The following TSHZ2 variants were observed in gnomAD, a reference collection of about 807,000 sequenced individuals.
TSHZ2 encodes teashirt zinc finger homeobox 2, also known as teashirt homolog 2.
TSHZ2 carries 21 observed loss-of-function variants against 74.4 expected under a neutral mutation model. The ratio of observed to expected loss-of-function variants is 0.28; its 90% CI spans 0.20 to 0.41. The LOEUF (loss-of-function observed/expected upper bound fraction) is 0.41, where lower values mean the gene tolerates loss of function less well. Among genes scored for constraint, TSHZ2 ranks in the 10% least tolerant of loss-of-function variants. TSHZ2 has a pLI of 1.00. For missense variants in TSHZ2, 1,244 were observed against 1,293.5 expected, an observed-to-expected ratio of 0.96 and a Z score of 0.59; for synonymous variants, 540 against 515.3, an observed-to-expected ratio of 1.05 and a Z score of -0.65.
At chr20:53,242,626 G>T (rs770704240) in intron 1 of TSHZ2, among the ~76,000 whole-genome samples, 1 of 146,700 alleles carries the variant, frequency 6.8e-6, no homozygotes, top group Non-Finnish European at 1.5e-5. Context: ...CCCATAGGGA[G>T]TAACCCACCC....
chr20:53,458,724 A>G, intron 2 of TSHZ2, among the ~76,000 whole-genome samples: 1 of 151,116 alleles, frequency 6.6e-6, no homozygotes, highest in East Asian at 1.9e-4. Flanking sequence ...CCCTCTACAC[A>G]CTGCTTTGAA....
intron 2 of TSHZ2, among the ~76,000 whole-genome samples, chr20:53,324,529 C>T (rs761716279): frequency 3.9e-5 from 6 of 152,102 alleles, no homozygotes; most frequent in Non-Finnish European, 8.8e-5. Context: ...AGGTATGCAT[C>T]ACTATGTCTA....
At chr20:53,161,101 T>C (rs1195049178) in intron 1 of TSHZ2, among the ~76,000 whole-genome samples, 1 of 109,764 alleles carries the variant, frequency 9.1e-6, no homozygotes, top group Non-Finnish European at 1.7e-5. Context: ...TGATTGTACA[T>C]GACAGAAACC....
intron 1 of TSHZ2, among the ~76,000 whole-genome samples, chr20:53,125,620 C>A (rs541001562): frequency 1.4e-4 from 22 of 152,070 alleles, no homozygotes; most frequent in African/African-American, 5.1e-4. Flanking sequence ...TATCAGGCAA[C>A]CCCCCGGTGA....
chr20:53,254,605 A>T lies in TSHZ2; in HGVS notation c.1147A>T (p.Met383Leu), dbSNP rs920140308. The T allele has an allele frequency of 1.9e-6, 3 of 1,613,002 alleles. No individual in the cohort carries two copies. Among genetic ancestry groups the T allele is most frequent in the African/African-American group, 2.7e-5 (2 of 74,920 alleles). Residue 383 changes from methionine to leucine, a missense_variant, in exon 2 of 3, where the codon ATG becomes TTG. Met to Leu is a conservative substitution (Grantham distance 15). Around this residue, in one of 6 missense-constraint regions of TSHZ2, gnomAD observed 18 missense variants for 42.1 expected, o/e 0.43. Transcript: ENST00000371497. ...EACKSQILKC[M>L]ECGSSHDTLQ... ...CTGCAAGTCCCAGATCTTAAAGTGC[A>T]TGGAGTGTGGGAGCTCCCATGACAC...
intron 1 of TSHZ2, among the ~76,000 whole-genome samples, chr20:53,197,592 A>G (rs981212941): frequency 1.3e-5 from 2 of 152,200 alleles, no homozygotes; most frequent in African/African-American, 4.8e-5. Context: ...GTTGCCATCA[A>G]GCATATAATT....
chr20:53,391,172 A>G (rs1054989814), intron 2 of TSHZ2, among the ~76,000 whole-genome samples: 1 of 145,268 alleles, frequency 6.9e-6, no homozygotes, highest in Non-Finnish European at 1.5e-5. Flanking sequence ...TTTGAGACAG[A>G]GTCTTGCTCT....
In TSHZ2 at chr20:53,253,944, C is replaced by G. The variant is rs764524254; in HGVS notation, c.486C>G (p.Asn162Lys). 6.2e-7 allele frequency: 1 copy of G among 1,614,168 alleles called. No homozygotes were observed. Among genetic ancestry groups the G allele is most frequent in the Admixed American group, 1.7e-5 (1 of 60,020 alleles). Residue 162 changes from asparagine to lysine, a missense_variant, in exon 2 of 3, where the codon AAC (asparagine) becomes AAG (lysine). Asn to Lys is a moderately conservative substitution (Grantham distance 94, BLOSUM62 0). Coordinates refer to ENST00000371497, the MANE Select transcript of TSHZ2 (RefSeq NM_173485.6). ...ACTGTGACACCCGAAACGGCAGCAA[C>G]AAGAGTGATTTTGATTGGCACCAAG... Reference protein sequence around the residue: ...RRNCDTRNGSNKSDFDWHQDA... With the variant: ...RRNCDTRNGSKKSDFDWHQDA...
intron 1 of TSHZ2, among the ~76,000 whole-genome samples, chr20:53,174,491 A>G (rs1988277595): frequency 6.6e-6 from 1 of 152,156 alleles, no homozygotes; most frequent in African/African-American, 2.4e-5. Flanking sequence ...TGGGTCACAG[A>G]TGGACTGGGC....
rs1381441295 is a variant in TSHZ2 at position 53,453,636 on chromosome 20, G to A, written c.*9-33508G>A. Reference sequence around the variant, plus strand: ...CACTTATGTGATAATGAAGATTAACGTAGGGAGCCGCTGGCTCTCCCTTCT... The same window carrying A: ...CACTTATGTGATAATGAAGATTAACATAGGGAGCCGCTGGCTCTCCCTTCT... On this transcript the variant is annotated intron_variant, in intron 2 of 2. Transcript: ENST00000371497. Among the ~76,000 whole-genome samples, 5 of 152,182 alleles carry A rather than the reference G, an allele frequency of 3.3e-5. No individual in the cohort carries two copies. In the East Asian group the frequency reaches 5.8e-4, roughly 18 times the overall value.
At chr20:53,280,701 G>T (rs112696439) in intron 2 of TSHZ2, among the ~76,000 whole-genome samples, 62 of 110,922 alleles carry the variant, frequency 5.6e-4, no homozygotes, top group Admixed American at 1.6e-3. Context: ...GGGTTTTTTT[G>T]TGTGTTTTTT....
At position 52,992,974 on chromosome 20, in the gene TSHZ2, C is replaced by T. The variant is rs377641201; in HGVS notation, c.40+19641C>T. On this transcript the variant is annotated intron_variant, in intron 1 of 2. Transcript: ENST00000371497. Reference sequence around the variant, plus strand: ...TAAGCAGCTCTTTTAGGTGCCCTCTCGATTGGAATTTACAGGTTTTTTTCT... The same window carrying T: ...TAAGCAGCTCTTTTAGGTGCCCTCTTGATTGGAATTTACAGGTTTTTTTCT... 2.2e-3 allele frequency among the ~76,000 whole-genome samples: 340 copies of T among 152,174 alleles called. 15 individuals are homozygous for T. The South Asian group carries it at 0.066, about 30-fold the overall frequency.
intron 1 of TSHZ2, among the ~76,000 whole-genome samples, chr20:53,038,960 G>A (rs534097402): frequency 6.6e-5 from 10 of 151,088 alleles, no homozygotes; most frequent in Non-Finnish European, 2.9e-5. Context: ...GCAATGGTGC[G>A]ATCTCGGCTC....
At chr20:53,369,026 C>T (rs1981373557) in intron 2 of TSHZ2, among the ~76,000 whole-genome samples, 1 of 152,124 alleles carries the variant, frequency 6.6e-6, no homozygotes. Flanking sequence ...CTTTGGGAGG[C>T]CGAGGTGGGC....
intron 2 of TSHZ2, among the ~76,000 whole-genome samples, chr20:53,389,555 CAG>C (rs1446688114): frequency 2.0e-5 from 3 of 152,176 alleles, no homozygotes; most frequent in Non-Finnish European, 4.4e-5. Context: ...GAGGAGGTGA[CAG>C]AGTATGGCTG....
chr20:53,049,196 G>A (rs906408296), intron 1 of TSHZ2, among the ~76,000 whole-genome samples: 2 of 152,142 alleles, frequency 1.3e-5, no homozygotes, highest in African/African-American at 4.8e-5. Context: ...AAGCAGCTAT[G>A]AGGACCAAAG....
chr20:53,449,603 A>C (rs541000151), intron 2 of TSHZ2, among the ~76,000 whole-genome samples: 1 of 152,226 alleles, frequency 6.6e-6, no homozygotes, highest in African/African-American at 2.4e-5. Context: ...CTCACCAACT[A>C]TTCCCCAAAC....
intron 1 of TSHZ2, among the ~76,000 whole-genome samples, chr20:53,106,391 CTTTTTTTTTTTTTTTT>C (rs71194458): frequency 0.027 from 1,623 of 59,086 alleles, 30 homozygotes; most frequent in Middle Eastern, 0.12. Flanking sequence ...CTCACACTTT[CTTTTTTTTTTTTTTTT>C]TTTTTTTTTT....
intron 1 of TSHZ2, among the ~76,000 whole-genome samples, chr20:53,185,039 T>C (rs1988568856): frequency 6.6e-6 from 1 of 152,222 alleles, no homozygotes; most frequent in African/African-American, 2.4e-5. Flanking sequence ...ATAAATATCC[T>C]TTTCAGCTGG....
Sources: gnomAD v4.1 joint callset for allele counts (sites outside exome capture counted in the v4.1 genomes callset) on GRCh38, gnomAD v4.1.1 for gene constraint, gnomAD v4.1.1 regional missense constraint, MANE v1.5 for transcripts, NCBI Gene and HGNC (gene_info 2026-07-23, HGNC 2026-07-21) for gene names.